The following CTNNA2 variants were observed in gnomAD, a reference collection of about 807,000 sequenced individuals.
CTNNA2 encodes catenin alpha-2.
CTNNA2 carries 42 observed loss-of-function variants against 101.0 expected under a neutral mutation model. That is an observed-to-expected ratio of 0.42 (90% CI 0.32 to 0.54). The LOEUF (loss-of-function observed/expected upper bound fraction) is 0.54. Ranked by LOEUF, CTNNA2 falls within the 20% of genes least tolerant of loss-of-function variation. The pLI is 0.14. For missense variants in CTNNA2, 871 were observed against 1,223.1 expected (o/e 0.71, Z 4.29); for synonymous variants, 450 against 456.4 (o/e 0.99, Z 0.18).
At chr2:79,412,944 T>C (rs563462194) in intron 4 of CTNNA2, among the ~76,000 whole-genome samples, 2 of 152,262 alleles carry the variant, frequency 1.3e-5, no homozygotes, top group East Asian at 3.9e-4. Context: ...TAGTAAATTT[T>C]ATTTAATTCT....
chr2:80,367,675 A>T (rs1292364966), intron 7 of CTNNA2, among the ~76,000 whole-genome samples: 12 of 152,036 alleles, frequency 7.9e-5, no homozygotes. Flanking sequence ...TATAACTTTT[A>T]TATCCTGCTT....
intron 2 of CTNNA2, among the ~76,000 whole-genome samples, chr2:79,664,403 A>T (rs1452764521): frequency 1.3e-5 from 2 of 152,178 alleles, no homozygotes; most frequent in African/African-American, 4.8e-5. Flanking sequence ...ACTTTCTGTT[A>T]TTCCAACTGG....
At chr2:79,995,295 G>T (rs1444821795) in intron 7 of CTNNA2, among the ~76,000 whole-genome samples, 1 of 152,158 alleles carries the variant, frequency 6.6e-6, no homozygotes, top group East Asian at 1.9e-4. Flanking sequence ...GGCAGGGGTG[G>T]TGTGTGAATC....
intron 17 of CTNNA2, among the ~76,000 whole-genome samples, chr2:80,611,809 T>A (rs780720984): frequency 8.6e-5 from 13 of 151,566 alleles, no homozygotes; most frequent in Non-Finnish European, 1.6e-4. Context: ...AACTGTTTTT[T>A]TAAAGTTAAA....
At chr2:79,315,901 A>G (rs537390350) in intron 3 of CTNNA2, among the ~76,000 whole-genome samples, 152 of 152,186 alleles carry the variant, frequency 1.0e-3, no homozygotes, top group Non-Finnish European at 1.6e-3. Context: ...TAATATCTCT[A>G]TATTTTACCA....
intron 3 of CTNNA2, among the ~76,000 whole-genome samples, chr2:79,794,432 GTACA>G (rs1675535875): frequency 6.6e-6 from 1 of 152,050 alleles, no homozygotes; most frequent in Non-Finnish European, 1.5e-5. Context: ...ATAAAAAGCT[GTACA>G]TATATAATGT....
chr2:79,508,987 AT>A (rs1158603300), upstream of CTNNA2, among the ~76,000 whole-genome samples: 1 of 47,778 alleles, frequency 2.1e-5, no homozygotes, highest in African/African-American at 6.5e-5. Context: ...ATATATATAT[AT>A]ATATATATAT....
intron 1 of CTNNA2, among the ~76,000 whole-genome samples, chr2:79,620,578 A>G (rs1454802439): frequency 3.3e-5 from 5 of 152,230 alleles, no homozygotes; most frequent in Non-Finnish European, 5.9e-5. Context: ...GTAGACAGAC[A>G]TACCCACTAA....
At chr2:80,502,907 C>T (rs72823718) in intron 9 of CTNNA2, among the ~76,000 whole-genome samples, 12,618 of 152,168 alleles carry the variant, frequency 0.083, 934 homozygotes, top group African/African-American at 0.2. Context: ...AGGCTTATGC[C>T]TGTAATCCCA....
intron 7 of CTNNA2, among the ~76,000 whole-genome samples, chr2:80,359,989 T>A (rs898821145): frequency 7.2e-5 from 11 of 152,176 alleles, no homozygotes; most frequent in Non-Finnish European, 1.5e-4. Flanking sequence ...AACTAACATC[T>A]TAATGAAATT....
At chr2:79,688,172 T>C (rs1437191686) in intron 2 of CTNNA2, among the ~76,000 whole-genome samples, 1 of 152,082 alleles carries the variant, frequency 6.6e-6, no homozygotes, top group South Asian at 2.1e-4. Flanking sequence ...TCTAGAAATA[T>C]GAAGTTTCTT....
intron 3 of CTNNA2, among the ~76,000 whole-genome samples, chr2:79,758,917 G>C (rs1402769474): frequency 6.6e-6 from 1 of 152,172 alleles, no homozygotes; most frequent in Non-Finnish European, 1.5e-5. Flanking sequence ...GTTAAACCAT[G>C]CTGAATCTTG....
chr2:80,642,546 A>T (rs1326856490), intron 18 of CTNNA2, among the ~76,000 whole-genome samples: 1 of 152,132 alleles, frequency 6.6e-6, no homozygotes, highest in Non-Finnish European at 1.5e-5. Flanking sequence ...GATAGACTGG[A>T]GGATAAAAAG....
chr2:79,996,705 C>T (rs1164641867), intron 7 of CTNNA2, among the ~76,000 whole-genome samples: 1 of 152,154 alleles, frequency 6.6e-6, no homozygotes, highest in East Asian at 1.9e-4. Flanking sequence ...TCAACTTTCA[C>T]TATTCTTTTT....
chr2:80,303,288 C>G lies in CTNNA2; in HGVS notation c.1057-89923C>G, dbSNP rs1676546539. On this transcript the variant is annotated intron_variant, in intron 7 of 18. Coordinates refer to ENST00000402739, the MANE Select transcript of CTNNA2 (RefSeq NM_001282597.3). The surrounding 1 kb of genome is among the most constrained non-coding windows in gnomAD (Gnocchi z 7.7). Reference sequence around the variant, plus strand: ...CTGCGGCAGTCCTGGAAGATGCGCACGGGCACAAACTGGATGGCGTTGGCC... The same window carrying G: ...CTGCGGCAGTCCTGGAAGATGCGCAGGGGCACAAACTGGATGGCGTTGGCC... The G allele has an allele frequency of 6.2e-7, 1 of 1,613,530 alleles. No individual in the cohort carries two copies. The highest frequency in any genetic ancestry group is 8.5e-7 in the Non-Finnish European group (1 of 1,180,012).
intron 7 of CTNNA2, among the ~76,000 whole-genome samples, chr2:80,012,803 A>T (rs1693879652): frequency 6.6e-6 from 1 of 152,194 alleles, no homozygotes. Flanking sequence ...GATAAAATAA[A>T]TGATCACAGG....
chr2:79,657,450 T>C (rs1225955610), intron 2 of CTNNA2, among the ~76,000 whole-genome samples: 1 of 151,914 alleles, frequency 6.6e-6, no homozygotes, highest in East Asian at 1.9e-4. Context: ...AGATCAGTTA[T>C]CAAAAAAGCA....
chr2:80,569,438 A>G (rs577035323), intron 12 of CTNNA2, among the ~76,000 whole-genome samples: 3 of 152,152 alleles, frequency 2.0e-5, no homozygotes, highest in African/African-American at 7.2e-5. Flanking sequence ...TGGTGCCTAC[A>G]GTTTTTGGAT....
At chr2:80,021,229 AGGATG>A (rs1488254115) in intron 7 of CTNNA2, among the ~76,000 whole-genome samples, 1 of 151,990 alleles carries the variant, frequency 6.6e-6, no homozygotes, top group Non-Finnish European at 1.5e-5. Flanking sequence ...CATGTCACCC[AGGATG>A]GTCTTAAACT....
Sources: allele counts gnomAD v4.1 joint callset (sites outside exome capture counted in the v4.1 genomes callset), GRCh38; gene constraint gnomAD v4.1.1; non-coding constraint Gnocchi (gnomAD v3.1); transcripts MANE v1.5; gene names NCBI Gene and HGNC (gene_info 2026-07-23, HGNC 2026-07-21).